The following RIMS2 variants were observed in gnomAD, a reference collection of about 807,000 sequenced individuals.
The protein encoded by RIMS2 is regulating synaptic membrane exocytosis protein 2.
In RIMS2, 59 loss-of-function variants were observed where a neutral mutation model predicts 174.4. The ratio of observed to expected loss-of-function variants is 0.34; its 90% CI spans 0.27 to 0.42. The LOEUF (loss-of-function observed/expected upper bound fraction) is 0.42. RIMS2 is among the 10% of genes least tolerant of loss of function. RIMS2 has a pLI of 1.00. For synonymous variants in RIMS2, 606 were observed against 572.5 expected (o/e 1.06, Z -0.84); for missense variants, 1,620 against 1,666.3 (o/e 0.97, Z 0.48).
chr8:104,041,844 T>A (rs1036623207), intron 19 of RIMS2, among the ~76,000 whole-genome samples: 3 of 151,832 alleles, frequency 2.0e-5, no homozygotes, highest in Admixed American at 2.0e-4. Flanking sequence ...GAGATGTGGA[T>A]AACATGCACT....
chr8:104,229,893 G>A (rs1253708618), intron 19 of RIMS2, among the ~76,000 whole-genome samples: 1 of 152,224 alleles, frequency 6.6e-6, no homozygotes, highest in Non-Finnish European at 1.5e-5. Flanking sequence ...ACTAAGAAGG[G>A]AAGTGGTTAT....
At chr8:104,021,922 G>A (rs560799917) in intron 19 of RIMS2, among the ~76,000 whole-genome samples, 43 of 152,230 alleles carry the variant, frequency 2.8e-4, no homozygotes, top group African/African-American at 9.6e-4. Context: ...TTGATTGGTC[G>A]GGGATGAAAT....
chr8:104,224,041 T>C (rs1459513234), intron 19 of RIMS2, among the ~76,000 whole-genome samples: 1 of 152,206 alleles, frequency 6.6e-6, no homozygotes, highest in Non-Finnish European at 1.5e-5. Flanking sequence ...TTACAAGTGC[T>C]TGGAAGTTGA....
chr8:104,230,026 T>C (rs1314587139), intron 19 of RIMS2, among the ~76,000 whole-genome samples: 1 of 152,190 alleles, frequency 6.6e-6, no homozygotes, highest in Non-Finnish European at 1.5e-5. Flanking sequence ...ACACCTGTAA[T>C]CCCAGCACTT....
intron 1 of RIMS2, among the ~76,000 whole-genome samples, chr8:103,580,240 G>C (rs1371285784): frequency 6.6e-6 from 1 of 152,034 alleles, no homozygotes; most frequent in Non-Finnish European, 1.5e-5. Context: ...GGCAGAGAGT[G>C]ACTGAATAGC....
At chr8:103,923,194 A>T (rs1252465284) in intron 10 of RIMS2, among the ~76,000 whole-genome samples, 1 of 151,868 alleles carries the variant, frequency 6.6e-6, no homozygotes, top group Non-Finnish European at 1.5e-5. Flanking sequence ...CTTATTATGG[A>T]TCCATTTCAA....
intron 19 of RIMS2, among the ~76,000 whole-genome samples, chr8:104,125,949 T>C (rs2098425361): frequency 6.6e-6 from 1 of 152,122 alleles, no homozygotes; most frequent in Non-Finnish European, 1.5e-5. Context: ...AGAAGTGAAG[T>C]TGTAATAAGA....
At chr8:103,800,916 A>G (rs1220651646) in intron 3 of RIMS2, among the ~76,000 whole-genome samples, 5 of 152,068 alleles carry the variant, frequency 3.3e-5, no homozygotes, top group Non-Finnish European at 7.4e-5. Flanking sequence ...TAAATGTTTG[A>G]TAGAATTTGC....
intron 1 of RIMS2, among the ~76,000 whole-genome samples, chr8:103,604,225 C>T (rs982981874): frequency 1.3e-5 from 2 of 150,766 alleles, no homozygotes; most frequent in African/African-American, 4.9e-5. Flanking sequence ...ATGGCTAGCC[C>T]GTTTTCCCAG....
chr8:103,944,447 C>T (rs1209854620), intron 14 of RIMS2, among the ~76,000 whole-genome samples: 9 of 152,046 alleles, frequency 5.9e-5, no homozygotes, highest in African/African-American at 2.2e-4. Flanking sequence ...AGGCTGCTAA[C>T]ACTTGCCAGC....
rs1169287236 is a variant in RIMS2, at chr8:103,961,228, C to G, written c.2770+95C>G. 4.2e-6 allele frequency: 3 copies of G among 710,928 alleles called. No individual in the cohort carries two copies. The Admixed American group carries it at 6.9e-5, about 16-fold the overall frequency. The allele number at this position is 710,928 out of a possible 1,614,324, so 44.0% of individuals were successfully genotyped here. ...AAATAAATAAAAGAGAAAGATATAACTCGTCTTCTCACCCTCCAAAACAGC... is the reference window on the plus strand; with the variant it reads ...AAATAAATAAAAGAGAAAGATATAAGTCGTCTTCTCACCCTCCAAAACAGC... On this transcript the variant is annotated intron_variant, in intron 15 of 23. Coordinates refer to ENST00000504942, the Ensembl canonical transcript of RIMS2.
intron 19 of RIMS2, among the ~76,000 whole-genome samples, chr8:104,227,545 C>G (rs1486663002): frequency 6.6e-6 from 1 of 152,120 alleles, no homozygotes; most frequent in Non-Finnish European, 1.5e-5. Context: ...AGCCCCACAA[C>G]TTCTCACCCA....
chr8:103,664,690 T>A (rs9773520), intron 1 of RIMS2, among the ~76,000 whole-genome samples: 3 of 152,008 alleles, frequency 2.0e-5, no homozygotes, highest in Non-Finnish European at 4.4e-5. Flanking sequence ...AGTGTAAATT[T>A]GTTCAACCAT....
intron 1 of RIMS2, among the ~76,000 whole-genome samples, chr8:103,534,527 T>C (rs1838891820): frequency 6.6e-6 from 1 of 152,218 alleles, no homozygotes; most frequent in African/African-American, 2.4e-5. Flanking sequence ...ATGAATATCA[T>C]CAATTAAAAA....
chr8:103,559,452 C>G (rs1039376666), intron 1 of RIMS2: 2 of 338,290 alleles, frequency 5.9e-6, no homozygotes, highest in Non-Finnish European at 5.6e-6. Context: ...TTCAGGGACT[C>G]TGGTGATCAA....
intron 19 of RIMS2, chr8:104,015,488 T>C: frequency 3.0e-6 from 2 of 658,522 alleles, no homozygotes; most frequent in Non-Finnish European, 5.5e-6. Flanking sequence ...TGTTTTGTGC[T>C]AACAGCCTTT....
In RIMS2 at chr8:104,013,439, C is replaced by T; in HGVS notation, c.3045-3C>T. On this transcript the variant is annotated splice_polypyrimidine_tract_variant and splice_region_variant and intron_variant, in intron 17 of 23. Coordinates refer to ENST00000504942, the Ensembl canonical transcript of RIMS2. ...CTGAGCTGCTTTTTGACTAACGTTT[C>T]AGGGATTGTGAAGCAGCAGATAGAC... 6.2e-7 allele frequency: 1 copy of T among 1,613,236 alleles called. No homozygotes were observed. Among genetic ancestry groups the T allele is most frequent in the Non-Finnish European group, 8.5e-7 (1 of 1,179,496 alleles).
intron 1 of RIMS2, among the ~76,000 whole-genome samples, chr8:103,541,533 TC>T (rs1842588276): frequency 6.6e-6 from 1 of 152,168 alleles, no homozygotes; most frequent in Non-Finnish European, 1.5e-5. Flanking sequence ...GGAGAGTTAT[TC>T]AAACTGAAAT....
rs189923312 is a variant in RIMS2, at chr8:103,609,010, T to C, written c.177-88076T>C. On this transcript the variant is annotated intron_variant, in intron 1 of 23. Transcript: ENST00000504942. ...GCTGTTCCTATTCGGCCATCTTGGCTCCTCCCTCCCATTTTTTGACTTTTT... is the reference window on the plus strand; with the variant it reads ...GCTGTTCCTATTCGGCCATCTTGGCCCCTCCCTCCCATTTTTTGACTTTTT... Among the ~76,000 whole-genome samples the C allele has an allele frequency of 6.2e-3, 938 of 152,252 alleles. 13 individuals carry two copies. Among genetic ancestry groups the C allele is most frequent in the African/African-American group, 0.021 (888 of 41,558 alleles).
Sources: gnomAD v4.1 joint callset for allele counts (sites outside exome capture counted in the v4.1 genomes callset) on GRCh38, gnomAD v4.1.1 for gene constraint, MANE v1.5 for transcripts, NCBI Gene and HGNC (gene_info 2026-07-23, HGNC 2026-07-21) for gene names.